The following PPP6R3 variants were observed in gnomAD, a reference collection of about 807,000 sequenced individuals.
PPP6R3 encodes the protein protein phosphatase 6 regulatory subunit 3, also known as serine/threonine-protein phosphatase 6 regulatory subunit 3.
A neutral mutation model predicts 110.7 loss-of-function variants in PPP6R3; 38 were observed. The observed-to-expected ratio is 0.34, with a 90% CI of 0.26 to 0.45. The LOEUF (loss-of-function observed/expected upper bound fraction) is 0.45. PPP6R3 is among the 20% of genes least tolerant of loss of function. The pLI is 1.00. For missense variants in PPP6R3, 870 were observed against 1,062.4 expected (o/e 0.82, Z 2.52); for synonymous variants, 369 against 373.5 (o/e 0.99, Z 0.14).
At chr11:68,583,264 T>A in intron 15 of PPP6R3, 135 bp downstream of exon 15, 1 of 657,588 alleles carries the variant, frequency 1.5e-6, no homozygotes, top group Non-Finnish European at 2.5e-6. Flanking sequence ...GACCAAAGCA[T>A]TTAAAATAGG....
At chr11:68,494,604 T>C (rs558276419) in intron 1 of PPP6R3, among the ~76,000 whole-genome samples, 46 of 152,268 alleles carry the variant, frequency 3.0e-4, no homozygotes, top group African/African-American at 1.1e-3. Context: ...AATAAAAAGC[T>C]AAATATTAAA....
intron 15 of PPP6R3, among the ~76,000 whole-genome samples, chr11:68,585,245 G>T (rs2099574602): frequency 6.6e-6 from 1 of 152,146 alleles, no homozygotes; most frequent in Admixed American, 6.5e-5. Flanking sequence ...GGAGGGTGAG[G>T]CCCCCATGGA....
intron 2 of PPP6R3, among the ~76,000 whole-genome samples, 196 bp downstream of exon 2, chr11:68,519,847 C>G (rs1376534348): frequency 6.6e-6 from 1 of 152,080 alleles, no homozygotes; most frequent in Non-Finnish European, 1.5e-5. Context: ...TTTGGTATAT[C>G]TTAAATCTGC....
intron 18 of PPP6R3, among the ~76,000 whole-genome samples, chr11:68,594,712 G>A (rs2099608212): frequency 6.6e-6 from 1 of 152,084 alleles, no homozygotes; most frequent in South Asian, 2.1e-4. Context: ...AGCCTTTTTT[G>A]TAGCTATTAA....
intron 6 of PPP6R3, among the ~76,000 whole-genome samples, chr11:68,552,002 G>A (rs1196210572): frequency 6.6e-6 from 1 of 152,222 alleles, no homozygotes; most frequent in African/African-American, 2.4e-5. Flanking sequence ...TTACAGGATT[G>A]AAGCTAGATT....
At chr11:68,534,148 G>C (rs2099256841) in intron 2 of PPP6R3, among the ~76,000 whole-genome samples, 1 of 152,206 alleles carries the variant, frequency 6.6e-6, no homozygotes, top group Non-Finnish European at 1.5e-5. Flanking sequence ...GAAGGGGAGA[G>C]TAGAGACGGG....
chr11:68,471,347 C>T (rs910251718), intron 1 of PPP6R3, among the ~76,000 whole-genome samples: 1 of 151,422 alleles, frequency 6.6e-6, no homozygotes, highest in Non-Finnish European at 1.5e-5. Context: ...TTTAACAGTC[C>T]CGAGGTTGAG....
chr11:68,537,999 G>A, intron 3 of PPP6R3, 108 bp downstream of exon 3: 3 of 821,994 alleles, frequency 3.6e-6, no homozygotes, highest in Non-Finnish European at 5.6e-6. Flanking sequence ...ATTTACAGAA[G>A]GGTAAGATAG....
At chr11:68,483,401 C>A (rs2098927912) in intron 1 of PPP6R3, among the ~76,000 whole-genome samples, 1 of 152,210 alleles carries the variant, frequency 6.6e-6, no homozygotes, top group Non-Finnish European at 1.5e-5. Flanking sequence ...CCCCACACTT[C>A]TGTGATAACA....
rs1193922014 is a variant in PPP6R3 at position 68,496,156 on chromosome 11, A to AT, written c.-157-23338dup. On this transcript the variant is annotated intron_variant, in intron 1 of 23. Coordinates refer to ENST00000393800, the MANE Select transcript of PPP6R3 (RefSeq NM_001164161.2). ...AGGCATATGCCACCATCTCTGGCTA[A>AT]TTTTTTTGTGTTTTTCTTTTCTTTT... 4.7e-5 allele frequency among the ~76,000 whole-genome samples: 7 copies of AT among 150,302 alleles called. 1 individual carries two copies. In the Middle Eastern group the frequency reaches 0.01, roughly 219 times the overall value.
At chr11:68,533,357 A>G (rs1013699293) in intron 2 of PPP6R3, among the ~76,000 whole-genome samples, 2 of 152,168 alleles carry the variant, frequency 1.3e-5, no homozygotes, top group Non-Finnish European at 2.9e-5. Flanking sequence ...TCACCATTAA[A>G]ATGTATTTCA....
intron 1 of PPP6R3, among the ~76,000 whole-genome samples, chr11:68,497,633 G>A (rs2099025541): frequency 6.6e-6 from 1 of 152,218 alleles, no homozygotes; most frequent in African/African-American, 2.4e-5. Flanking sequence ...GGGACTACAG[G>A]CATGAGCCAC....
chr11:68,545,930 A>T (rs1335310700), intron 4 of PPP6R3, among the ~76,000 whole-genome samples: 1 of 152,254 alleles, frequency 6.6e-6, no homozygotes, highest in Non-Finnish European at 1.5e-5. Context: ...AGGTGTGATG[A>T]TACGGGGCAA....
At chr11:68,547,456 G>C (rs867990308) in intron 4 of PPP6R3, among the ~76,000 whole-genome samples, 25 of 152,312 alleles carry the variant, frequency 1.6e-4, no homozygotes, top group African/African-American at 5.8e-4. Flanking sequence ...ACCAGCAGCA[G>C]GGGCCTGATT....
At chr11:68,611,800 G>A (rs1252463249) in intron 23 of PPP6R3, among the ~76,000 whole-genome samples, 1 of 152,194 alleles carries the variant, frequency 6.6e-6, no homozygotes, top group East Asian at 1.9e-4. Context: ...GATTGCACGT[G>A]TTCTAAAGTG....
At chr11:68,566,924 C>A in intron 9 of PPP6R3, 90 bp from the exon 10 acceptor site, 1 of 1,121,792 alleles carries the variant, frequency 8.9e-7, no homozygotes, top group Non-Finnish European at 1.2e-6. Context: ...ATGTTGTTTG[C>A]AGGGTTTAAA....
At chr11:68,468,082 C>T (rs1327190718) in intron 1 of PPP6R3, among the ~76,000 whole-genome samples, 1 of 152,170 alleles carries the variant, frequency 6.6e-6, no homozygotes, top group Non-Finnish European at 1.5e-5. Flanking sequence ...CGCATTTATT[C>T]TTACAGAAAA....
At chr11:68,520,788 C>T (rs1171876688) in intron 2 of PPP6R3, among the ~76,000 whole-genome samples, 1 of 151,980 alleles carries the variant, frequency 6.6e-6, no homozygotes, top group African/African-American at 2.4e-5. Context: ...TGTTTGTTTT[C>T]TGAGATAGGG....
intron 1 of PPP6R3, among the ~76,000 whole-genome samples, chr11:68,486,910 A>G (rs1346536130): frequency 6.6e-6 from 1 of 152,108 alleles, no homozygotes; most frequent in Non-Finnish European, 1.5e-5. Context: ...TCTAATGCCC[A>G]TGGTATCTGT....
Sources: allele counts gnomAD v4.1 joint callset (sites outside exome capture counted in the v4.1 genomes callset), GRCh38; gene constraint gnomAD v4.1.1; transcripts MANE v1.5; gene names NCBI Gene and HGNC (gene_info 2026-07-23, HGNC 2026-07-21).